TRDN: variants seen among roughly 807,000 people sequenced by gnomAD.
The protein encoded by TRDN is triadin in skeletal muscle.
A neutral mutation model predicts 149.7 loss-of-function variants in TRDN; 161 were observed. That is an observed-to-expected ratio of 1.08 (90% CI 0.95 to 1.23). The LOEUF is 1.23. Among genes scored for constraint, TRDN ranks in the 50% most tolerant of loss-of-function variants. The pLI, the probability that TRDN is intolerant of heterozygous loss-of-function variation, is 0.00. For missense variants in TRDN, 896 were observed against 823.5 expected (o/e 1.09, Z -1.08); for synonymous variants, 294 against 250.5 (o/e 1.17, Z -1.64).
At chr6:123,408,065 G>A (rs1376639608) in intron 12 of TRDN, among the ~76,000 whole-genome samples, 1 of 152,084 alleles carries the variant, frequency 6.6e-6, no homozygotes, top group Non-Finnish European at 1.5e-5. Flanking sequence ...CCCAAATATG[G>A]CTTTAAAATG....
At position 123,264,658 on chromosome 6, in the gene TRDN, A is replaced by G. The variant is rs188139892; in HGVS notation, c.1804+660T>C. Among the ~76,000 whole-genome samples the G allele has an allele frequency of 3.8e-5, 4 of 105,186 alleles. No individual in the cohort carries two copies. The Admixed American group carries it at 4.5e-4, about 12-fold the overall frequency. 69.0% of individuals were successfully genotyped at this position (105,186 alleles called of 152,430 possible). On this transcript the variant is annotated intron_variant, in intron 33 of 40. Coordinates refer to ENST00000334268, the MANE Select transcript of TRDN (RefSeq NM_006073.4). ...ATGCTGTCAAATAGCCATACGAACT[A>G]CAGAGAAATCTTTTGTCAGTCAATC...
chr6:123,451,620 CAA>C (rs760066990), intron 10 of TRDN, among the ~76,000 whole-genome samples: 13 of 151,532 alleles, frequency 8.6e-5, no homozygotes, highest in Non-Finnish European at 1.8e-4. Flanking sequence ...AAATTACCAA[CAA>C]AAAAAAGTCC....
chr6:123,525,851 T>A (rs1402833337), intron 5 of TRDN, among the ~76,000 whole-genome samples: 1 of 152,038 alleles, frequency 6.6e-6, no homozygotes, highest in Non-Finnish European at 1.5e-5. Context: ...ATCTGGTGAT[T>A]TGAAGTTTAT....
At chr6:123,267,570 A>T in intron 32 of TRDN, 137 bp downstream of exon 32, 1 of 522,542 alleles carries the variant, frequency 1.9e-6, no homozygotes, top group Non-Finnish European at 3.2e-6. Flanking sequence ...CAGATAAACT[A>T]GATTACACTA....
chr6:123,278,709 G>A (rs1309809363), intron 25 of TRDN, among the ~76,000 whole-genome samples: 1 of 152,180 alleles, frequency 6.6e-6, no homozygotes, highest in Non-Finnish European at 1.5e-5. Context: ...GGCAGAGGTT[G>A]CAGTGAGCAG....
intron 1 of TRDN, among the ~76,000 whole-genome samples, chr6:123,594,447 T>C (rs1408299757): frequency 6.6e-6 from 1 of 152,016 alleles, no homozygotes; most frequent in Non-Finnish European, 1.5e-5. Context: ...CTACTATAGG[T>C]TGTAGCTTTT....
intron 9 of TRDN, among the ~76,000 whole-genome samples, chr6:123,494,892 C>T (rs1342202312): frequency 6.6e-6 from 1 of 151,980 alleles, no homozygotes; most frequent in Non-Finnish European, 1.5e-5. Flanking sequence ...CACCACCAAA[C>T]CTGGCTAATT....
At chr6:123,560,054 C>T (rs1012710185) in intron 2 of TRDN, among the ~76,000 whole-genome samples, 1 of 152,210 alleles carries the variant, frequency 6.6e-6, no homozygotes, top group Non-Finnish European at 1.5e-5. Context: ...GCCAGGACTG[C>T]ACCCTGTAGC....
chr6:123,503,729 A>G lies in TRDN; in HGVS notation c.783T>C (p.His261=), dbSNP rs1434470262. The change falls in exon 8 of 41, where the codon CAT becomes CAC. Residue 261 remains histidine (H), a synonymous_variant. Coordinates refer to ENST00000334268, the MANE Select transcript of TRDN (RefSeq NM_006073.4). ...EDKEKAAVSK[H]EQKDQYAFCR... ...GCTCTGAATGTTTACCTTTCTGTTC[A>G]TGCTTTGACACAGCTGCTTTCTCTT... The G allele has an allele frequency of 6.2e-7, 1 of 1,613,648 alleles. No homozygotes were observed. The highest frequency in any genetic ancestry group is 8.5e-7 in the Non-Finnish European group (1 of 1,179,786).
intron 9 of TRDN, among the ~76,000 whole-genome samples, chr6:123,476,770 T>C (rs1777499984): frequency 1.3e-5 from 2 of 150,336 alleles, no homozygotes; most frequent in South Asian, 4.2e-4. Context: ...TCTATAACTA[T>C]CTGATCTTTG....
intron 24 of TRDN, among the ~76,000 whole-genome samples, chr6:123,297,804 T>C (rs1778259650): frequency 6.6e-6 from 1 of 152,064 alleles, no homozygotes; most frequent in Non-Finnish European, 1.5e-5. Context: ...CCTTTTCCAC[T>C]ACTGAGTCAC....
intron 9 of TRDN, among the ~76,000 whole-genome samples, chr6:123,483,301 A>C (rs1777844355): frequency 6.6e-6 from 1 of 151,284 alleles, no homozygotes; most frequent in African/African-American, 2.4e-5. Flanking sequence ...ACGGGGTTTC[A>C]CCGTGTTAGC....
intron 12 of TRDN, among the ~76,000 whole-genome samples, chr6:123,429,917 A>C (rs2114567724): frequency 6.6e-6 from 1 of 152,302 alleles, no homozygotes; most frequent in African/African-American, 2.4e-5. Flanking sequence ...CTATTTACTG[A>C]TATTTACTGA....
intron 12 of TRDN, among the ~76,000 whole-genome samples, chr6:123,425,870 A>G (rs1774098688): frequency 6.6e-6 from 1 of 151,992 alleles, no homozygotes; most frequent in Non-Finnish European, 1.5e-5. Flanking sequence ...TATAATATAC[A>G]TATCTATCTA....
At chr6:123,280,565 A>G (rs1777544709) in intron 24 of TRDN, among the ~76,000 whole-genome samples, 2 of 151,806 alleles carry the variant, frequency 1.3e-5, no homozygotes, top group Non-Finnish European at 2.9e-5. Flanking sequence ...TACATATAGT[A>G]TCTCTCTATC....
At chr6:123,219,917 C>T (rs899774093) in intron 40 of TRDN, among the ~76,000 whole-genome samples, 1 of 151,752 alleles carries the variant, frequency 6.6e-6, no homozygotes, top group Non-Finnish European at 1.5e-5. Flanking sequence ...TGACAGGCTG[C>T]CTTCCAGCTG....
chr6:123,441,282 A>G (rs1774867623), intron 10 of TRDN, among the ~76,000 whole-genome samples: 1 of 152,168 alleles, frequency 6.6e-6, no homozygotes, highest in African/African-American at 2.4e-5. Context: ...CTCAACAGCC[A>G]AGAGTACTCT....
At chr6:123,278,746 G>A (rs1042974690) in intron 25 of TRDN, among the ~76,000 whole-genome samples, 2 of 152,166 alleles carry the variant, frequency 1.3e-5, no homozygotes, top group African/African-American at 2.4e-5. Context: ...CACTGCCTGG[G>A]CAACAGAGTG....
intron 12 of TRDN, among the ~76,000 whole-genome samples, chr6:123,422,308 G>A (rs2114545624): frequency 6.6e-6 from 1 of 152,162 alleles, no homozygotes; most frequent in Middle Eastern, 3.4e-3. Flanking sequence ...TTAGAATTTT[G>A]AGTTCAGCAT....
Sources: gnomAD v4.1 joint callset for allele counts (sites outside exome capture counted in the v4.1 genomes callset) on GRCh38, gnomAD v4.1.1 for gene constraint, MANE v1.5 for transcripts, NCBI Gene and HGNC (gene_info 2026-07-23, HGNC 2026-07-21) for gene names.